The following SORCS3 variants were observed in gnomAD, a reference collection of about 807,000 sequenced individuals.
SORCS3 encodes the protein sortilin related VPS10 domain containing receptor 3, also known as VPS10 domain-containing receptor SorCS3.
SORCS3 carries 57 observed loss-of-function variants against 146.3 expected under a neutral mutation model. The observed-to-expected ratio is 0.39, with a 90% confidence interval of 0.31 to 0.49. The LOEUF is 0.49. SORCS3 is among the 20% of genes least tolerant of loss of function. SORCS3 has a pLI of 0.92. For missense variants in SORCS3, 1,341 were observed against 1,575.5 expected (o/e 0.85, Z 2.52); for synonymous variants, 653 against 618.5 (o/e 1.06, Z -0.83).
intron 1 of SORCS3, among the ~76,000 whole-genome samples, chr10:104,718,878 T>C (rs2016510715): frequency 6.6e-6 from 1 of 152,046 alleles, no homozygotes; most frequent in African/African-American, 2.4e-5. Flanking sequence ...AAAAGAAAAA[T>C]TCTGGTTTTA....
chr10:105,048,174 C>A (rs1301840364), intron 5 of SORCS3, among the ~76,000 whole-genome samples: 3 of 151,438 alleles, frequency 2.0e-5, no homozygotes, highest in Non-Finnish European at 4.4e-5. Context: ...CCCAGCAATC[C>A]CATTACTGGG....
At position 105,023,515 on chromosome 10, in the gene SORCS3, G is replaced by A. The variant is rs1032636447; in HGVS notation, c.955-19540G>A. Among the ~76,000 whole-genome samples, 8 of 152,172 alleles carry A rather than the reference G, an allele frequency of 5.3e-5. No individual in the cohort carries two copies. In the East Asian group the frequency reaches 1.5e-3, roughly 29 times the overall value. ...TTCCCATCTTTGGCACTGATGGATT[G>A]AGTGATTGTTCTTGGCAGAGCAGTG... On this transcript the variant is annotated intron_variant, in intron 4 of 26. Coordinates refer to ENST00000369701, the MANE Select transcript of SORCS3 (RefSeq NM_014978.3).
intron 1 of SORCS3, among the ~76,000 whole-genome samples, chr10:104,745,111 A>T (rs1048679346): frequency 1.3e-5 from 2 of 152,220 alleles, no homozygotes; most frequent in African/African-American, 4.8e-5. Flanking sequence ...TTCCATTTGC[A>T]TGGTGAACGT....
At chr10:104,889,454 A>ATT (rs76032970) in intron 2 of SORCS3, among the ~76,000 whole-genome samples, 48 of 116,988 alleles carry the variant, frequency 4.1e-4, no homozygotes, top group African/African-American at 1.4e-3. Flanking sequence ...TTTGGATGGT[A>ATT]TTTTTTTTTT....
At chr10:105,231,525 A>G (rs1357351852) in intron 20 of SORCS3, among the ~76,000 whole-genome samples, 1 of 152,106 alleles carries the variant, frequency 6.6e-6, no homozygotes, top group East Asian at 1.9e-4. Flanking sequence ...TTGTCTTATT[A>G]TGTTAGCCAG....
At chr10:105,100,992 A>T (rs2055780633) in intron 6 of SORCS3, among the ~76,000 whole-genome samples, 1 of 152,204 alleles carries the variant, frequency 6.6e-6, no homozygotes, top group Non-Finnish European at 1.5e-5. Flanking sequence ...TAAGTCCCGG[A>T]TTTGATCTCA....
At chr10:104,819,033 TA>T (rs35942214) in intron 1 of SORCS3, among the ~76,000 whole-genome samples, 37,797 of 151,970 alleles carry the variant, frequency 0.25, 4,758 homozygotes, top group South Asian at 0.31. Context: ...TGGAAAAGGT[TA>T]AATAACTAGG....
intron 22 of SORCS3, among the ~76,000 whole-genome samples, chr10:105,251,690 C>T (rs936221250): frequency 3.3e-5 from 5 of 152,080 alleles, no homozygotes; most frequent in African/African-American, 1.2e-4. Context: ...AGGAGACACA[C>T]AGGAAAGAAC....
At chr10:104,771,840 A>G (rs536178868) in intron 1 of SORCS3, among the ~76,000 whole-genome samples, 5 of 151,640 alleles carry the variant, frequency 3.3e-5, no homozygotes, top group Admixed American at 2.0e-4. Context: ...GGGGAGGGAA[A>G]GTGAGTTGAC....
At chr10:104,942,179 A>G (rs1233613770) in intron 3 of SORCS3, among the ~76,000 whole-genome samples, 1 of 152,244 alleles carries the variant, frequency 6.6e-6, no homozygotes, top group African/African-American at 2.4e-5. Context: ...GAATCTGACC[A>G]GTGAAACATT....
At chr10:104,757,459 A>G (rs1195966279) in intron 1 of SORCS3, among the ~76,000 whole-genome samples, 1 of 152,254 alleles carries the variant, frequency 6.6e-6, no homozygotes, top group Admixed American at 6.5e-5. Flanking sequence ...CTAGGCAGGT[A>G]CAACAGCAGA....
chr10:105,118,391 A>G (rs1160133495), intron 7 of SORCS3, among the ~76,000 whole-genome samples: 1 of 151,994 alleles, frequency 6.6e-6, no homozygotes, highest in Admixed American at 6.5e-5. Context: ...AGTCAATTAA[A>G]CCTCTTTTCT....
intron 1 of SORCS3, among the ~76,000 whole-genome samples, chr10:104,834,167 C>T (rs1449235966): frequency 6.6e-6 from 1 of 152,196 alleles, no homozygotes; most frequent in Non-Finnish European, 1.5e-5. Flanking sequence ...ACAGTAGGCT[C>T]CTCATCCACT....
chr10:105,118,520 A>G (rs906080872), intron 7 of SORCS3, among the ~76,000 whole-genome samples: 1 of 152,208 alleles, frequency 6.6e-6, no homozygotes, highest in African/African-American at 2.4e-5. Context: ...TTTGGAAGTT[A>G]TTTTGGAACT....
intron 2 of SORCS3, among the ~76,000 whole-genome samples, chr10:104,863,850 G>A (rs1243651181): frequency 6.6e-6 from 1 of 152,208 alleles, no homozygotes; most frequent in Non-Finnish European, 1.5e-5. Context: ...GTGAGGGCAT[G>A]TGCTGGAGTC....
At chr10:105,180,030 T>G (rs1337123710) in intron 14 of SORCS3, among the ~76,000 whole-genome samples, 1 of 152,224 alleles carries the variant, frequency 6.6e-6, no homozygotes, top group Non-Finnish European at 1.5e-5. Context: ...TCTTATCCAT[T>G]GATTTGGAGA....
At chr10:104,997,138 GA>G (rs1176725362) in intron 4 of SORCS3, among the ~76,000 whole-genome samples, 10 of 152,136 alleles carry the variant, frequency 6.6e-5, no homozygotes, top group Non-Finnish European at 4.4e-5. Context: ...AATGTGATCA[GA>G]AAGTTACTCT....
chr10:105,120,648 T>G (rs184651708), intron 7 of SORCS3, among the ~76,000 whole-genome samples: 1 of 152,326 alleles, frequency 6.6e-6, no homozygotes, highest in East Asian at 1.9e-4. Flanking sequence ...TCCATGGAAG[T>G]TACAATACCT....
At chr10:105,021,503 T>C (rs1003682460) in intron 4 of SORCS3, among the ~76,000 whole-genome samples, 1 of 152,160 alleles carries the variant, frequency 6.6e-6, no homozygotes, top group East Asian at 1.9e-4. Flanking sequence ...AGAATGTATA[T>C]CTTTTCTTTG....
Sources: allele counts gnomAD v4.1 joint callset (sites outside exome capture counted in the v4.1 genomes callset), GRCh38; gene constraint gnomAD v4.1.1; transcripts MANE v1.5; gene names NCBI Gene and HGNC (gene_info 2026-07-23, HGNC 2026-07-21).